The following NBEA variants were observed in gnomAD, a reference collection of about 807,000 sequenced individuals.
The protein encoded by NBEA is lysosomal-trafficking regulator 2.
NBEA carries 44 observed loss-of-function variants against 343.4 expected under a neutral mutation model. The ratio of observed to expected loss-of-function variants is 0.13; its 90% CI spans 0.10 to 0.16. The LOEUF is 0.16. Among genes scored for constraint, NBEA ranks in the 10% least tolerant of loss-of-function variants. The probability of loss-of-function intolerance (pLI) is 1.00; values close to 1 mark genes in which losing one functional copy is unlikely to be tolerated. For synonymous variants in NBEA, 1,175 were observed against 1,238.7 expected (o/e 0.95, Z 1.08); for missense variants, 2,555 against 3,631.3 (o/e 0.70, Z 7.62).
chr13:35,458,254 C>A (rs978542792), intron 40 of NBEA, among the ~76,000 whole-genome samples: 5 of 152,162 alleles, frequency 3.3e-5, no homozygotes, highest in African/African-American at 1.2e-4. Context: ...ATTATAGCCG[C>A]CCCACCACAT....
intron 11 of NBEA, among the ~76,000 whole-genome samples, chr13:35,107,707 A>G (rs1393401035): frequency 6.6e-6 from 1 of 152,016 alleles, no homozygotes; most frequent in Admixed American, 6.6e-5. Context: ...GCCAGGGAGC[A>G]TATTTGACTA....
At chr13:35,562,812 C>T (rs2153022834) in intron 44 of NBEA, among the ~76,000 whole-genome samples, 1 of 152,044 alleles carries the variant, frequency 6.6e-6, no homozygotes, top group East Asian at 1.9e-4. Context: ...CCAGATGCTG[C>T]CATCATCTAA....
chr13:35,099,106 A>G (rs1593339188), intron 11 of NBEA, among the ~76,000 whole-genome samples: 1 of 146,868 alleles, frequency 6.8e-6, no homozygotes. Flanking sequence ...GCTCACTGCA[A>G]CCCCCATCTC....
intron 41 of NBEA, chr13:35,475,093 A>G: frequency 6.2e-7 from 1 of 1,613,976 alleles, no homozygotes; most frequent in African/African-American, 1.3e-5. Flanking sequence ...GTTGGTCAGG[A>G]TCTCTCTTGC....
chr13:35,096,870 A>C (rs1005159028), intron 10 of NBEA, among the ~76,000 whole-genome samples: 2 of 151,886 alleles, frequency 1.3e-5, no homozygotes, highest in Non-Finnish European at 2.9e-5. Context: ...TTTAAATCCC[A>C]AGAGATTCCT....
chr13:35,232,894 G>C (rs573442142), intron 34 of NBEA, among the ~76,000 whole-genome samples: 24 of 152,156 alleles, frequency 1.6e-4, no homozygotes, highest in African/African-American at 5.5e-4. Flanking sequence ...TATCAGGGCT[G>C]ATGTATATCC....
At chr13:35,630,422 A>C (rs1417219229) in intron 49 of NBEA, among the ~76,000 whole-genome samples, 2 of 152,168 alleles carry the variant, frequency 1.3e-5, no homozygotes, top group Non-Finnish European at 2.9e-5. Flanking sequence ...TCTTCTGTTG[A>C]ATGGGAATGA....
intron 43 of NBEA, among the ~76,000 whole-genome samples, chr13:35,552,894 CT>C (rs970444819): frequency 6.0e-5 from 9 of 149,468 alleles, no homozygotes; most frequent in African/African-American, 1.5e-4. Context: ...GAAGATCATT[CT>C]TTTTTTTTTC....
At chr13:35,529,866 C>T (rs1383260382) in intron 41 of NBEA, among the ~76,000 whole-genome samples, 3 of 152,338 alleles carry the variant, frequency 2.0e-5, no homozygotes, top group East Asian at 3.9e-4. Flanking sequence ...ATTCTCTTTA[C>T]ACATATTTGT....
chr13:35,556,085 T>G (rs2079559201), intron 44 of NBEA, among the ~76,000 whole-genome samples: 1 of 151,982 alleles, frequency 6.6e-6, no homozygotes, highest in South Asian at 2.1e-4. Flanking sequence ...CTTTTTCACT[T>G]TAATCCCAAT....
At chr13:34,969,347 C>T (rs752686296) in intron 1 of NBEA, among the ~76,000 whole-genome samples, 5 of 150,300 alleles carry the variant, frequency 3.3e-5, no homozygotes, top group African/African-American at 2.4e-5. Flanking sequence ...TTTTGGTTTC[C>T]GTTTTTTCTT....
At chr13:35,195,713 C>G (rs1209334685) in intron 30 of NBEA, 151 bp from the exon 31 acceptor site, 6 of 645,226 alleles carry the variant, frequency 9.3e-6, no homozygotes, top group African/African-American at 1.8e-5. Context: ...TATCTTTCAA[C>G]TGAGTTGTGT....
At chr13:35,407,822 A>G (rs998743858) in intron 38 of NBEA, among the ~76,000 whole-genome samples, 4 of 152,178 alleles carry the variant, frequency 2.6e-5, no homozygotes, top group East Asian at 1.9e-4. Context: ...AAAGATCTCT[A>G]TGAGGAGACC....
At chr13:35,500,711 CTTCTTTTT>C (rs2076854540) in intron 41 of NBEA, among the ~76,000 whole-genome samples, 1 of 17,110 alleles carries the variant, frequency 5.8e-5, no homozygotes. Flanking sequence ...TTTCCTGGCT[CTTCTTTTT>C]TTTTTTTTTT....
At chr13:35,011,343 A>C (rs896072109) in intron 1 of NBEA, among the ~76,000 whole-genome samples, 32 of 152,180 alleles carry the variant, frequency 2.1e-4, no homozygotes, top group African/African-American at 7.7e-4. Context: ...AGATAATTTC[A>C]CCTTCTCATC....
At chr13:35,034,690 T>C (rs1453577419) in intron 1 of NBEA, among the ~76,000 whole-genome samples, 1 of 151,840 alleles carries the variant, frequency 6.6e-6, no homozygotes, top group African/African-American at 2.4e-5. Flanking sequence ...GAGACTTTTA[T>C]TACAACTTCA....
intron 1 of NBEA, among the ~76,000 whole-genome samples, chr13:35,004,195 T>A (rs2061239965): frequency 6.6e-6 from 1 of 152,156 alleles, no homozygotes; most frequent in Admixed American, 6.6e-5. Context: ...GGCATTTGGG[T>A]TGATTCCATG....
At chr13:35,497,889 G>A (rs1260302028) in intron 41 of NBEA, among the ~76,000 whole-genome samples, 1 of 151,938 alleles carries the variant, frequency 6.6e-6, no homozygotes, top group Non-Finnish European at 1.5e-5. Context: ...TTTATATTAA[G>A]AGCTTACTAA....
chr13:35,009,539 G>C (rs1370850432), intron 1 of NBEA, among the ~76,000 whole-genome samples: 2 of 152,146 alleles, frequency 1.3e-5, no homozygotes, highest in African/African-American at 4.8e-5. Context: ...AGTATGGCTG[G>C]AGCAGAAATG....
Sources: gnomAD v4.1 joint callset for allele counts (sites outside exome capture counted in the v4.1 genomes callset) on GRCh38, gnomAD v4.1.1 for gene constraint, MANE v1.5 for transcripts, NCBI Gene and HGNC (gene_info 2026-07-23, HGNC 2026-07-21) for gene names.